BLTP1: variants seen among roughly 807,000 people sequenced by gnomAD.
BLTP1 encodes bridge-like lipid transfer protein family member 1.
the BLTP1 span, chr4:122,359,337 T>G: frequency 1.0e-6 from 1 of 971,978 alleles, no homozygotes. Flanking sequence ...ATCAAGTCAA[T>G]GATCTCAGCA....
chr4:122,293,282 G>C, the BLTP1 span: 1 of 557,938 alleles, frequency 1.8e-6, no homozygotes, highest in African/African-American at 2.0e-5. Context: ...TCACACAGAG[G>C]AATGAAAATG....
the BLTP1 span, among the ~76,000 whole-genome samples, chr4:122,300,601 C>T: frequency 6.6e-6 from 1 of 151,822 alleles, no homozygotes; most frequent in Non-Finnish European, 1.5e-5. Flanking sequence ...ATTTTTGACC[C>T]CTAAATTTCA....
At chr4:122,316,935 A>G in the BLTP1 span, 1 of 1,071,662 alleles carries the variant, frequency 9.3e-7, no homozygotes, top group African/African-American at 1.6e-5. Context: ...AAGTGGAAGA[A>G]ACTGTATTTG....
At chr4:122,203,760 T>C in the BLTP1 span, 1,653 of 352,420 alleles carry the variant, frequency 4.7e-3, 7 homozygotes, top group South Asian at 0.023. Flanking sequence ...TAAAATGATA[T>C]GTTGAAATTT....
At chr4:122,259,847 AG>A in the BLTP1 span, 4 of 638,388 alleles carry the variant, frequency 6.3e-6, no homozygotes, top group Admixed American at 6.3e-5. Flanking sequence ...CGACAGAGCG[AG>A]ACGCCATCTC....
the BLTP1 span, chr4:122,301,343 A>G: frequency 1.9e-6 from 3 of 1,604,756 alleles, no homozygotes; most frequent in Admixed American, 5.0e-5. Flanking sequence ...ATGATGGAAC[A>G]GCAGATGGAG....
At chr4:122,298,589 C>A in the BLTP1 span, 1 of 871,178 alleles carries the variant, frequency 1.1e-6, no homozygotes, top group East Asian at 1.2e-4. Flanking sequence ...ACATATGACC[C>A]CAAACTAGGT....
the BLTP1 span, chr4:122,271,138 C>T: frequency 2.5e-6 from 4 of 1,613,860 alleles, no homozygotes; most frequent in East Asian, 4.5e-5. Flanking sequence ...CTACCAGTGC[C>T]CTTTCTTTTC....
chr4:122,243,130 T>C, the BLTP1 span: 21 of 1,453,356 alleles, frequency 1.4e-5, no homozygotes, highest in African/African-American at 1.4e-5. Context: ...TAGAGTTTAT[T>C]CTGAATAATA....
At chr4:122,255,672 A>T in the BLTP1 span, among the ~76,000 whole-genome samples, 1 of 152,138 alleles carries the variant, frequency 6.6e-6, no homozygotes, top group African/African-American at 2.4e-5. Context: ...AAAGAAATAC[A>T]AGTCTATAGA....
the BLTP1 span, among the ~76,000 whole-genome samples, chr4:122,192,814 T>A: frequency 6.6e-6 from 1 of 152,166 alleles, no homozygotes; most frequent in Non-Finnish European, 1.5e-5. Context: ...ATAATAAAGG[T>A]AAGTAAAGGG....
At chr4:122,271,164 G>A in the BLTP1 span, 4 of 1,613,828 alleles carry the variant, frequency 2.5e-6, no homozygotes, top group African/African-American at 2.7e-5. Flanking sequence ...CTCAGCAAGC[G>A]GTATTATAAC....
At chr4:122,201,270 G>C in the BLTP1 span, 1 of 686,630 alleles carries the variant, frequency 1.5e-6, no homozygotes, top group Non-Finnish European at 2.3e-6. Flanking sequence ...AAATGTTAAA[G>C]AGAAAATTTA....
the BLTP1 span, chr4:122,269,467 A>C: frequency 2.0e-6 from 2 of 985,044 alleles, no homozygotes; most frequent in African/African-American, 3.5e-5. Flanking sequence ...TAATTTTTCT[A>C]CTAACGCGCC....
chr4:122,233,905 T>A, the BLTP1 span, among the ~76,000 whole-genome samples: 1 of 152,206 alleles, frequency 6.6e-6, no homozygotes, highest in African/African-American at 2.4e-5. Context: ...CACTAGGCAC[T>A]TAATAGATAT....
At chr4:122,255,970 C>A in the BLTP1 span, 1 of 780,198 alleles carries the variant, frequency 1.3e-6, no homozygotes, top group Non-Finnish European at 1.6e-6. Context: ...AGCCAAATTT[C>A]ACATACAGTT....
chr4:122,253,520 C>T, the BLTP1 span, among the ~76,000 whole-genome samples: 1 of 151,906 alleles, frequency 6.6e-6, no homozygotes, highest in East Asian at 1.9e-4. Flanking sequence ...AAGAATGCAT[C>T]AGAGTCTCTT....
chr4:122,219,702 A>G, the BLTP1 span: 2 of 602,146 alleles, frequency 3.3e-6, no homozygotes, highest in South Asian at 4.8e-5. Flanking sequence ...TTACTGTTAT[A>G]AAACTCATGT....
the BLTP1 span, among the ~76,000 whole-genome samples, chr4:122,354,229 C>T: frequency 6.6e-6 from 1 of 152,074 alleles, no homozygotes; most frequent in African/African-American, 2.4e-5. Flanking sequence ...TTATTGAAAA[C>T]ATTCTAAATA....
Sources: gnomAD v4.1 joint callset for allele counts (sites outside exome capture counted in the v4.1 genomes callset) on GRCh38, gnomAD v4.1.1 for gene constraint, MANE v1.5 for transcripts, NCBI Gene and HGNC (gene_info 2026-07-23, HGNC 2026-07-21) for gene names.